Variants in ABCD3 observed in about 807,000 individuals in gnomAD.
ABCD3 encodes ATP binding cassette subfamily D member 3.
ABCD3 carries 41 observed loss-of-function variants against 105.5 expected under a neutral mutation model. That is an observed-to-expected ratio of 0.39 (90% CI 0.30 to 0.50). ABCD3 has a LOEUF of 0.50. ABCD3 is among the 20% of genes least tolerant of loss of function. The probability of loss-of-function intolerance (pLI) is 0.84; values close to 1 mark genes in which losing one functional copy is unlikely to be tolerated. For synonymous variants in ABCD3, 258 were observed against 269.0 expected, an observed-to-expected ratio of 0.96 and a Z score of 0.40; for missense variants, 622 against 806.3, an observed-to-expected ratio of 0.77 and a Z score of 2.77.
chr1:94,470,068 T>A (rs1256556034), intron 4 of ABCD3, among the ~76,000 whole-genome samples: 1 of 152,170 alleles, frequency 6.6e-6, no homozygotes, highest in Non-Finnish European at 1.5e-5. Flanking sequence ...GTTTCTGGAT[T>A]TTTTGTTTTT....
In ABCD3 at chr1:94,458,533, A is replaced by G. The variant is rs567127862; in HGVS notation, c.111-74A>G. 3.8e-6 allele frequency: 5 copies of G among 1,309,602 alleles called. No individual in the cohort carries two copies. The Admixed American group carries it at 8.5e-5, about 22-fold the overall frequency. The allele number at this position is 1,309,602 out of a possible 1,614,324, so 81.1% of individuals were successfully genotyped here. On this transcript the variant is annotated intron_variant, in intron 1 of 22. Transcript: ENST00000370214. ...GCTTTTAAATAATTTGGTATATTTG[A>G]CATCTTAAAATCATCTTAATGATAA...
the ABCD3 span, among the ~76,000 whole-genome samples, chr1:94,394,219 G>A: frequency 6.6e-6 from 1 of 152,072 alleles, no homozygotes; most frequent in Non-Finnish European, 1.5e-5. Flanking sequence ...TGCTCACCAG[G>A]CACAATTAGC....
At chr1:94,459,217 C>T (rs201271291) in intron 2 of ABCD3, among the ~76,000 whole-genome samples, 2 of 151,782 alleles carry the variant, frequency 1.3e-5, no homozygotes, top group East Asian at 1.9e-4. Context: ...GCTCTGTTTT[C>T]TCTAGTACAC....
chr1:94,414,941 C>G (rs528775069), upstream of ABCD3, among the ~76,000 whole-genome samples: 1 of 152,292 alleles, frequency 6.6e-6, no homozygotes, highest in South Asian at 2.1e-4. Flanking sequence ...TTTGAGATTA[C>G]TCATGAGGTT....
Position 94,496,861 on chromosome 1 carries a change from G to A in ABCD3, c.1387-1741G>A, listed in dbSNP as rs191449195. The stretch of plus-strand genomic sequence containing the variant: ...TGGCTCACTGCAACCTCTGCCTCTC[G>A]GGTTCAAGCAATTCTCATGCCTCAG... On this transcript the variant is annotated intron_variant, in intron 16 of 22. Transcript: ENST00000370214. Among the ~76,000 whole-genome samples, 79 of 150,578 alleles carry A rather than the reference G, an allele frequency of 5.2e-4. 2 individuals are homozygous for A. The highest frequency in any genetic ancestry group is 1.8e-3 in the African/African-American group (73 of 40,948).
At chr1:94,433,166 T>C (rs1334363295) in intron 1 of ABCD3, among the ~76,000 whole-genome samples, 1 of 150,528 alleles carries the variant, frequency 6.6e-6, no homozygotes, top group East Asian at 1.9e-4. Context: ...TTTTTTTTTT[T>C]TTTTCCAGAC....
At chr1:94,427,431 C>T (rs757816807) in intron 1 of ABCD3, among the ~76,000 whole-genome samples, 36 of 152,158 alleles carry the variant, frequency 2.4e-4, no homozygotes, top group Non-Finnish European at 4.9e-4. Flanking sequence ...TTCATATTTT[C>T]TCCTAAAAGT....
In ABCD3 at chr1:94,517,864, A is replaced by T. The variant is rs1029945573; in HGVS notation, c.*735A>T. The T allele has an allele frequency of 2.6e-5, 4 of 152,310 alleles. No homozygotes were observed. The highest frequency in any genetic ancestry group is 9.7e-5 in the African/African-American group (4 of 41,414). The allele number at this position is 152,310 out of a possible 1,614,324, so 9.4% of individuals were successfully genotyped here. A position where few individuals can be genotyped will look rare whatever the true frequency, so the allele number is the denominator to read the frequency against. ...TCTTCCCAATGTTTGGGATATTAAAACACAAAGTCCTTAACATGCCAGGCT... is the reference window on the plus strand; with the variant it reads ...TCTTCCCAATGTTTGGGATATTAAATCACAAAGTCCTTAACATGCCAGGCT... On this transcript the variant is annotated 3_prime_UTR_variant, in exon 23 of 23. Transcript: ENST00000370214.
rs184935179 is a variant in ABCD3 at position 94,449,357 on chromosome 1, A to T, written c.111-9250A>T. Reference sequence around the variant, plus strand: ...GGAATAAAAACCTGAGGAAAGCAGGACAACCAGTCACAATGAGTAATTTGA... The same window carrying T: ...GGAATAAAAACCTGAGGAAAGCAGGTCAACCAGTCACAATGAGTAATTTGA... On this transcript the variant is annotated intron_variant, in intron 1 of 22. Coordinates refer to ENST00000370214, the MANE Select transcript of ABCD3 (RefSeq NM_002858.4). Among the ~76,000 whole-genome samples, 18 of 152,372 alleles carry T rather than the reference A, an allele frequency of 1.2e-4. No homozygotes were observed. In the East Asian group the frequency reaches 3.5e-3, roughly 29 times the overall value.
At chr1:94,514,287 C>T (rs1160395766) in intron 21 of ABCD3, 1 of 151,980 alleles carries the variant, frequency 6.6e-6, no homozygotes, top group African/African-American at 2.4e-5. Context: ...CATCCCTGGC[C>T]TCTGCCCATT....
intron 21 of ABCD3, among the ~76,000 whole-genome samples, chr1:94,509,104 A>G (rs955043029): frequency 3.3e-5 from 5 of 152,160 alleles, no homozygotes; most frequent in African/African-American, 9.7e-5. Context: ...CCCATTCAGT[A>G]TGATATTGGC....
intron 1 of ABCD3, among the ~76,000 whole-genome samples, chr1:94,438,562 A>G (rs762450922): frequency 5.3e-5 from 8 of 152,298 alleles, no homozygotes; most frequent in Non-Finnish European, 1.0e-4. Context: ...ACAGCATAGT[A>G]TGGCACAGAG....
chr1:94,433,018 C>T (rs182469012), intron 1 of ABCD3, among the ~76,000 whole-genome samples: 24 of 151,712 alleles, frequency 1.6e-4, no homozygotes, highest in South Asian at 4.2e-4. Context: ...CCACCATGCC[C>T]GGCTAATTTT....
At chr1:94,398,235 C>A in the ABCD3 span, among the ~76,000 whole-genome samples, 4 of 152,068 alleles carry the variant, frequency 2.6e-5, no homozygotes, top group Non-Finnish European at 5.9e-5. Context: ...TATCTTTGAC[C>A]CTATTCTAGC....
chr1:94,445,225 T>G (rs1201893116), intron 1 of ABCD3, among the ~76,000 whole-genome samples: 14 of 152,178 alleles, frequency 9.2e-5, no homozygotes, highest in Non-Finnish European at 2.1e-4. Flanking sequence ...ACACTCTATA[T>G]TTCTGTGTGT....
chr1:94,475,075 GAAAT>G, intron 5 of ABCD3, 64 bp from the exon 6 acceptor site: 1 of 1,000,564 alleles, frequency 1.0e-6, no homozygotes, highest in Non-Finnish European at 1.5e-6. Flanking sequence ...AAATAATAGA[GAAAT>G]AAATTATAGT....
In ABCD3 at chr1:94,464,953, A is replaced by C. The variant is rs1648068453; in HGVS notation, c.246+80A>C. ...ACCTGAGGCTGGGTAATTTATAAAG[A>C]AAAGAGATTTAATTGGCTCCTGGAT... On this transcript the variant is annotated intron_variant, in intron 3 of 22. Coordinates refer to ENST00000370214, the MANE Select transcript of ABCD3 (RefSeq NM_002858.4). The C allele has an allele frequency of 2.5e-6, 3 of 1,213,488 alleles. No homozygotes were observed. The East Asian group carries it at 7.2e-5, about 29-fold the overall frequency. 75.2% of individuals were successfully genotyped at this position (1,213,488 alleles called of 1,614,324 possible).
chr1:94,452,146 A>G (rs1011016070), intron 1 of ABCD3, among the ~76,000 whole-genome samples: 9 of 152,220 alleles, frequency 5.9e-5, no homozygotes, highest in Admixed American at 5.2e-4. Flanking sequence ...TGAGACTGAA[A>G]GAGTGCAATT....
intron 2 of ABCD3, 140 bp downstream of exon 2, chr1:94,458,783 ACT>A (rs924099385): frequency 2.5e-6 from 2 of 815,614 alleles, no homozygotes; most frequent in Non-Finnish European, 4.0e-6. Flanking sequence ...TTACAGGAAT[ACT>A]CTCTGAAATA....
Sources: gnomAD v4.1 joint callset for allele counts (sites outside exome capture counted in the v4.1 genomes callset) on GRCh38, gnomAD v4.1.1 for gene constraint, MANE v1.5 for transcripts, NCBI Gene and HGNC (gene_info 2026-07-23, HGNC 2026-07-21) for gene names.